The following CELSR1 variants were observed in gnomAD, a reference collection of about 807,000 sequenced individuals.
CELSR1 encodes cadherin EGF LAG seven-pass G-type receptor 1.
A neutral mutation model predicts 249.1 loss-of-function variants in CELSR1; 110 were observed. The observed-to-expected ratio is 0.44, with a 90% confidence interval of 0.38 to 0.52. The LOEUF is 0.52. Among genes scored for constraint, CELSR1 ranks in the 20% least tolerant of loss-of-function variants. The pLI is 0.00. For synonymous variants in CELSR1, 2,113 were observed against 1,900.0 expected, an observed-to-expected ratio of 1.11 and a Z score of -2.92; for missense variants, 4,109 against 4,296.4, an observed-to-expected ratio of 0.96 and a Z score of 1.22.
rs550714223 is a variant in CELSR1, at chr22:46,433,643, C to T, written c.4523-162G>A. Among the ~76,000 whole-genome samples the T allele has an allele frequency of 3.3e-5, 5 of 152,338 alleles. No individual in the cohort carries two copies. Among genetic ancestry groups the T allele is most frequent in the South Asian group, 4.1e-4 (2 of 4,830 alleles). ...GGTGGGAGGCGCCCACCACTCCATC[C>T]ATTTTCTTTTCTGGTTACAAAAGTA... On this transcript the variant is annotated intron_variant, in intron 4 of 34. Coordinates refer to ENST00000674500, the MANE Select transcript of CELSR1 (RefSeq NM_001378328.1). This position sits in a 1 kb window ranked among gnomAD's most constrained non-coding sequence, Gnocchi z 5.7.
At position 46,527,982 on chromosome 22, in the gene CELSR1, C is replaced by G. The variant is rs2080754999; in HGVS notation, c.3544+5645G>C. ...TGATGGCGGGTACCTATAATCCCAG[C>G]TACTTGGGAAGCTGAGGCAGCTGAG... On this transcript the variant is annotated intron_variant, in intron 1 of 34. Transcript: ENST00000674500. The surrounding 1 kb of genome is among the most constrained non-coding windows in gnomAD (Gnocchi z 5.5). Among the ~76,000 whole-genome samples, 1 of 151,908 alleles carries G rather than the reference C, an allele frequency of 6.6e-6. No individual in the cohort carries two copies. The highest frequency in any genetic ancestry group is 1.9e-4 in the East Asian group (1 of 5,168).
In CELSR1 at chr22:46,362,872, G is replaced by A. The variant is rs2078720966; in HGVS notation, c.*351C>T. 2.3e-6 allele frequency: 1 copy of A among 430,900 alleles called. No individual in the cohort carries two copies. The highest frequency in any genetic ancestry group is 3.6e-5 in the East Asian group (1 of 27,494). The allele number at this position is 430,900 out of a possible 1,614,324, so 26.7% of individuals were successfully genotyped here. ...CTGTGCCCGGCGTTCCTGAACTCTGGCCAGCCTCTGGGCCCAGTCTGGGGT... is the reference window on the plus strand; with the variant it reads ...CTGTGCCCGGCGTTCCTGAACTCTGACCAGCCTCTGGGCCCAGTCTGGGGT... On this transcript the variant is annotated 3_prime_UTR_variant, in exon 35 of 35. Transcript: ENST00000674500.
At chr22:46,450,587 C>T (rs975304870) in intron 2 of CELSR1, among the ~76,000 whole-genome samples, 4 of 152,180 alleles carry the variant, frequency 2.6e-5, no homozygotes, top group South Asian at 2.1e-4. Context: ...TGGGTGGGAG[C>T]GGGAGTTAAG....
rs1018277101 is a variant in CELSR1 at position 46,408,255 on chromosome 22, G to A, written c.5226+741C>T. On this transcript the variant is annotated intron_variant, in intron 9 of 34. Coordinates refer to ENST00000674500, the MANE Select transcript of CELSR1 (RefSeq NM_001378328.1). This position sits in a 1 kb window ranked among gnomAD's most constrained non-coding sequence, Gnocchi z 4.6. ...GAGAAAACAGGCAGACAGCGACAGA[G>A]CGGGGCTTTAGGCATTTCTGGGCTG... Among the ~76,000 whole-genome samples the A allele has an allele frequency of 5.9e-5, 9 of 152,356 alleles. No individual in the cohort carries two copies. The highest frequency in any genetic ancestry group is 1.3e-4 in the Non-Finnish European group (9 of 68,034).
chr22:46,459,591 C>T (rs1602166126), intron 2 of CELSR1, among the ~76,000 whole-genome samples: 1 of 152,390 alleles, frequency 6.6e-6, no homozygotes, highest in Middle Eastern at 3.4e-3. Context: ...CAGCAGGGTC[C>T]TTGCCCTCAG....
chr22:46,420,339 CAT>C (rs566991196), intron 5 of CELSR1, among the ~76,000 whole-genome samples: 203 of 151,838 alleles, frequency 1.3e-3, no homozygotes, highest in African/African-American at 3.4e-3. Context: ...CTCGTGCACT[CAT>C]GTGCACATTT....
rs2080859601 is a variant in CELSR1 at position 46,536,602 on chromosome 22, G to A, written c.569C>T (p.Ala190Val). 1 of 1,182,798 alleles carries A rather than the reference G, an allele frequency of 8.5e-7. No individual in the cohort carries two copies. Among genetic ancestry groups the A allele is most frequent in the Non-Finnish European group, 1.0e-6 (1 of 959,118 alleles). 73.3% of individuals were successfully genotyped at this position (1,182,798 alleles called of 1,614,324 possible). A position where few individuals can be genotyped will look rare whatever the true frequency, so the allele number is the denominator to read the frequency against. ...CAGTCCCACCCGGACGGCGCCAGCC[G>A]CGCGCCGCAGGGCGCACAGCAGACG... ...RLRLLCALRRAAGAVRVGLAL... is the reference protein window; with the variant it reads ...RLRLLCALRRVAGAVRVGLAL... The change falls in exon 1 of 35, where the codon GCG (alanine) becomes GTG (valine). Residue 190 changes from alanine to valine, a missense_variant. By Grantham distance (64) the Ala-to-Val change is moderately conservative. Transcript: ENST00000674500.
intron 9 of CELSR1, among the ~76,000 whole-genome samples, chr22:46,400,760 T>C (rs1454424683): frequency 2.0e-5 from 3 of 152,144 alleles, no homozygotes; most frequent in African/African-American, 7.2e-5. Context: ...AAGGCCAGCC[T>C]GGCAAACATG....
chr22:46,428,261 C>T lies in CELSR1; in HGVS notation c.4611+5132G>A, dbSNP rs955892401. On this transcript the variant is annotated intron_variant, in intron 5 of 34. Transcript: ENST00000674500. This position sits in a 1 kb window ranked among gnomAD's most constrained non-coding sequence, Gnocchi z 5.7. Reference sequence around the variant, plus strand: ...CCAGAACCAGAGGAAGCCAAATTGCCGAGGCAGAGTCCCAAGGACTCCAGC... The same window carrying T: ...CCAGAACCAGAGGAAGCCAAATTGCTGAGGCAGAGTCCCAAGGACTCCAGC... Among the ~76,000 whole-genome samples, 4 of 152,210 alleles carry T rather than the reference C, an allele frequency of 2.6e-5. No individual in the cohort carries two copies. The highest frequency in any genetic ancestry group is 4.8e-5 in the African/African-American group (2 of 41,436).
chr22:46,496,487 G>C (rs943586603), intron 1 of CELSR1, among the ~76,000 whole-genome samples: 3 of 152,100 alleles, frequency 2.0e-5, no homozygotes, highest in Non-Finnish European at 4.4e-5. Context: ...AAAATCACTT[G>C]AGCCCAGGAG....
intron 1 of CELSR1, among the ~76,000 whole-genome samples, chr22:46,505,106 C>T (rs1418706935): frequency 2.6e-5 from 4 of 151,678 alleles, no homozygotes; most frequent in African/African-American, 9.7e-5. Flanking sequence ...ATTAAAAATA[C>T]AAAAAATCAG....
chr22:46,378,605 T>G lies in CELSR1; in HGVS notation c.7369A>C (p.Ile2457Leu). The change falls in exon 23 of 35, where the codon ATC (isoleucine) becomes CTC (leucine). Residue 2457 changes from isoleucine to leucine, a missense_variant. Ile to Leu is a conservative substitution (Grantham distance 5). Around this residue, in one of 7 missense-constraint regions of CELSR1, gnomAD observed 1,805 missense variants for 1,831.6 expected, o/e 0.99. Coordinates refer to ENST00000674500, the MANE Select transcript of CELSR1 (RefSeq NM_001378328.1). ...HTASFAVLMD[I>L]SRRENGEVLP... is the part of the protein sequence containing the mutation. Reference sequence around the variant, plus strand: ...AGGATGCCCACCTCACGCCTGGAGATATCCATGAGCACCGCAAAGCTGGCT... The same window carrying G: ...AGGATGCCCACCTCACGCCTGGAGAGATCCATGAGCACCGCAAAGCTGGCT... 1.3e-6 allele frequency: 2 copies of G among 1,581,082 alleles called. No individual in the cohort carries two copies. The highest frequency in any genetic ancestry group is 3.7e-5 in the Admixed American group (2 of 54,320).
chr22:46,529,300 A>G (rs2080769358), intron 1 of CELSR1, among the ~76,000 whole-genome samples: 1 of 152,132 alleles, frequency 6.6e-6, no homozygotes, highest in Non-Finnish European at 1.5e-5. Flanking sequence ...GTCATTTGCA[A>G]CAACCTGGAT....
chr22:46,375,792 G>C (rs907207058), intron 24 of CELSR1, among the ~76,000 whole-genome samples: 1 of 152,150 alleles, frequency 6.6e-6, no homozygotes, highest in Admixed American at 6.5e-5. Context: ...TGATCTGCCT[G>C]CCTCGGCCTC....
At chr22:46,530,875 T>C (rs754703940) in intron 1 of CELSR1, among the ~76,000 whole-genome samples, 3 of 152,192 alleles carry the variant, frequency 2.0e-5, no homozygotes, top group Admixed American at 2.0e-4. Context: ...CCACTAAACG[T>C]AGTCGATGGC....
Position 46,401,173 on chromosome 22 carries a change from A to G in CELSR1, c.5227-1271T>C, listed in dbSNP as rs967627090. On this transcript the variant is annotated intron_variant, in intron 9 of 34. Coordinates refer to ENST00000674500, the MANE Select transcript of CELSR1 (RefSeq NM_001378328.1). This position sits in a 1 kb window ranked among gnomAD's most constrained non-coding sequence, Gnocchi z 4.7. ...TTTTTGGATGTAAACATTATACTTT[A>G]TAAGACAAGATTTAATCCTCTGTGT... Among the ~76,000 whole-genome samples the G allele has an allele frequency of 6.6e-6, 1 of 152,196 alleles. No individual in the cohort carries two copies. The highest frequency in any genetic ancestry group is 2.4e-5 in the African/African-American group (1 of 41,454).
chr22:46,394,267 G>T lies in CELSR1; in HGVS notation c.5844-5C>A. 6.2e-7 allele frequency: 1 copy of T among 1,611,726 alleles called. No homozygotes were observed. Among genetic ancestry groups the T allele is most frequent in the South Asian group, 1.1e-5 (1 of 90,940 alleles). ...CTGGGGCACGGAAGGTCGAGTCTGT[G>T]GGGAAAATAAGAGGGCAGCTGGAAG... On this transcript the variant is annotated splice_region_variant and splice_polypyrimidine_tract_variant and intron_variant, in intron 13 of 34. Transcript: ENST00000674500.
At chr22:46,489,414 C>T (rs189158655) in intron 1 of CELSR1, among the ~76,000 whole-genome samples, 55 of 151,904 alleles carry the variant, frequency 3.6e-4, no homozygotes, top group African/African-American at 1.1e-3. Context: ...CTTGCTGAAG[C>T]TGGGGAGAAG....
At chr22:46,369,599 C>A in intron 26 of CELSR1, 93 bp downstream of exon 26, 4 of 1,192,490 alleles carry the variant, frequency 3.4e-6, no homozygotes, top group Non-Finnish European at 4.9e-6. Flanking sequence ...GTCGGCTGCT[C>A]AGAGGAGTTG....
Sources: gnomAD v4.1 joint callset for allele counts (sites outside exome capture counted in the v4.1 genomes callset) on GRCh38, gnomAD v4.1.1 for gene constraint, gnomAD v4.1.1 regional missense constraint, Gnocchi (gnomAD v3.1) non-coding constraint, MANE v1.5 for transcripts, NCBI Gene and HGNC (gene_info 2026-07-23, HGNC 2026-07-21) for gene names.